HDAC9: variants seen among roughly 807,000 people sequenced by gnomAD.
The protein encoded by HDAC9 is MEF-2 interacting transcription repressor (MITR) protein.
In HDAC9, 41 loss-of-function variants were observed where a neutral mutation model predicts 139.4. That is an observed-to-expected ratio of 0.29 (90% CI 0.23 to 0.38). The LOEUF is 0.38. Ranked by LOEUF, HDAC9 falls within the 10% of genes least tolerant of loss-of-function variation. HDAC9 has a pLI of 1.00. For synonymous variants in HDAC9, 517 were observed against 476.2 expected, an observed-to-expected ratio of 1.09 and a Z score of -1.12; for missense variants, 1,147 against 1,297.0, an observed-to-expected ratio of 0.88 and a Z score of 1.78.
At chr7:18,440,804 T>C (rs1234962364) in intron 1 of HDAC9, among the ~76,000 whole-genome samples, 7 of 152,192 alleles carry the variant, frequency 4.6e-5, no homozygotes, top group Non-Finnish European at 8.8e-5. Flanking sequence ...CAACAAGACA[T>C]GTAAAACTCA....
intron 2 of HDAC9, among the ~76,000 whole-genome samples, chr7:18,557,438 G>C (rs1408273376): frequency 6.6e-6 from 1 of 150,554 alleles, no homozygotes; most frequent in African/African-American, 2.4e-5. Flanking sequence ...ATAAAAATGG[G>C]ATTGTTATGT....
At chr7:18,531,815 C>G (rs200359588) in intron 2 of HDAC9, among the ~76,000 whole-genome samples, 2 of 151,778 alleles carry the variant, frequency 1.3e-5, no homozygotes, top group East Asian at 3.9e-4. Context: ...AACTCCATTT[C>G]AATGCAAACA....
intron 2 of HDAC9, among the ~76,000 whole-genome samples, chr7:18,514,216 C>G (rs911330065): frequency 6.6e-6 from 1 of 152,026 alleles, no homozygotes; most frequent in African/African-American, 2.4e-5. Flanking sequence ...TCATATTTTT[C>G]TCTGTAGCAA....
intron 2 of HDAC9, among the ~76,000 whole-genome samples, chr7:18,279,221 G>A (rs551519804): frequency 1.2e-4 from 19 of 152,184 alleles, no homozygotes; most frequent in African/African-American, 2.6e-4. Context: ...TGTGCTTTCC[G>A]ACTTTCAGAT....
chr7:18,166,512 G>A (rs1788023027), intron 2 of HDAC9, among the ~76,000 whole-genome samples: 1 of 152,142 alleles, frequency 6.6e-6, no homozygotes, highest in Non-Finnish European at 1.5e-5. Flanking sequence ...GAAATGTAGA[G>A]TACATGTAAC....
At chr7:18,614,501 AT>A (rs922730499) in intron 6 of HDAC9, among the ~76,000 whole-genome samples, 3 of 151,156 alleles carry the variant, frequency 2.0e-5, no homozygotes, top group African/African-American at 7.3e-5. Flanking sequence ...TTTCAGATGT[AT>A]TTTTTTTTCT....
At chr7:18,330,727 T>G (rs17139047) in intron 1 of HDAC9, among the ~76,000 whole-genome samples, 31,237 of 151,600 alleles carry the variant, frequency 0.21, 3,287 homozygotes, top group Non-Finnish European at 0.22. Flanking sequence ...TGTAGCCAAC[T>G]TAGAACCCCA....
At chr7:18,531,697 CT>C (rs1431877291) in intron 2 of HDAC9, among the ~76,000 whole-genome samples, 1 of 151,902 alleles carries the variant, frequency 6.6e-6, no homozygotes, top group Non-Finnish European at 1.5e-5. Context: ...CTTTTACCCC[CT>C]AACTCTTTAA....
At chr7:18,550,777 A>G (rs1816852388) in intron 2 of HDAC9, among the ~76,000 whole-genome samples, 1 of 152,192 alleles carries the variant, frequency 6.6e-6, no homozygotes, top group Non-Finnish European at 1.5e-5. Context: ...TGGCTGGAGT[A>G]GAGTGGTGAG....
At chr7:18,501,998 A>C (rs1190022161) in intron 2 of HDAC9, among the ~76,000 whole-genome samples, 3 of 152,300 alleles carry the variant, frequency 2.0e-5, no homozygotes, top group East Asian at 3.9e-4. Context: ...AGCAGCATTC[A>C]GGTCCTTCAT....
At chr7:18,390,413 C>A (rs867472350) in intron 1 of HDAC9, among the ~76,000 whole-genome samples, 15 of 152,044 alleles carry the variant, frequency 9.9e-5, no homozygotes, top group Admixed American at 6.6e-4. Flanking sequence ...CCTAGAAACC[C>A]TTAGGGTTTA....
intron 2 of HDAC9, among the ~76,000 whole-genome samples, chr7:18,214,977 C>A (rs1422137491): frequency 6.6e-6 from 1 of 151,892 alleles, no homozygotes; most frequent in Non-Finnish European, 1.5e-5. Flanking sequence ...TGAAAGATAC[C>A]ATAAAATAAT....
chr7:18,579,175 T>A (rs993424996), intron 2 of HDAC9, among the ~76,000 whole-genome samples: 1 of 152,126 alleles, frequency 6.6e-6, no homozygotes, highest in African/African-American at 2.4e-5. Context: ...TGGCAAAGAT[T>A]AAAGTCTGCA....
chr7:18,990,203 T>C (rs1785764195), intron 25 of HDAC9, among the ~76,000 whole-genome samples: 1 of 152,160 alleles, frequency 6.6e-6, no homozygotes, highest in Non-Finnish European at 1.5e-5. Flanking sequence ...TTTTGGTCTT[T>C]GATGATGGTG....
intron 1 of HDAC9, among the ~76,000 whole-genome samples, chr7:18,104,991 T>C (rs181203714): frequency 1.5e-3 from 234 of 152,062 alleles, no homozygotes; most frequent in Middle Eastern, 6.8e-3. Flanking sequence ...TTCCTTGCAA[T>C]AGAATTCTAA....
At position 18,360,170 on chromosome 7, in the gene HDAC9, T is replaced by TCCTA. The variant is rs1162663041; in HGVS notation, c.-42+69656_-42+69659dup. ...TTGTAATTAAGAGATTAATCTCCAG[T>TCCTA]CCTAACCTCTTATCCTATGTATATT... On this transcript the variant is annotated intron_variant, in intron 1 of 3. Coordinates refer to the HDAC9 transcript ENST00000413509. Among the ~76,000 whole-genome samples the TCCTA allele has an allele frequency of 1.9e-4, 29 of 152,328 alleles. 1 individual carries two copies. The highest frequency in any genetic ancestry group is 1.2e-3 in the Admixed American group (19 of 15,308).
chr7:18,471,581 A>C (rs1017067630), intron 1 of HDAC9, among the ~76,000 whole-genome samples: 4 of 152,224 alleles, frequency 2.6e-5, no homozygotes, highest in Non-Finnish European at 4.4e-5. Context: ...AAAATGGGTT[A>C]GGTGAAAGCT....
chr7:18,726,107 C>A (rs1484357323), intron 12 of HDAC9, among the ~76,000 whole-genome samples: 1 of 152,118 alleles, frequency 6.6e-6, no homozygotes, highest in African/African-American at 2.4e-5. Flanking sequence ...GTAATTAAAT[C>A]TATATTTATA....
At chr7:18,691,555 A>T (rs1309853087) in intron 12 of HDAC9, among the ~76,000 whole-genome samples, 1 of 151,990 alleles carries the variant, frequency 6.6e-6, no homozygotes, top group Admixed American at 6.6e-5. Flanking sequence ...GCTTGTAGGT[A>T]AAGGGGAAGA....
Sources: gnomAD v4.1 joint callset for allele counts (sites outside exome capture counted in the v4.1 genomes callset) on GRCh38, gnomAD v4.1.1 for gene constraint, MANE v1.5 for transcripts, NCBI Gene and HGNC (gene_info 2026-07-23, HGNC 2026-07-21) for gene names.